METAP2: variants seen among roughly 807,000 people sequenced by gnomAD.
METAP2 encodes the protein methionyl aminopeptidase 2, also known as methionine aminopeptidase 2.
In METAP2, 25 loss-of-function variants were observed where a neutral mutation model predicts 59.4. The observed-to-expected ratio is 0.42, with a 90% CI of 0.31 to 0.59. The LOEUF (loss-of-function observed/expected upper bound fraction) is 0.59, where lower values mean the gene tolerates loss of function less well. Among genes scored for constraint, METAP2 ranks in the 20% least tolerant of loss-of-function variants. The pLI is 0.16. For synonymous variants in METAP2, 214 were observed against 194.1 expected (o/e 1.10, Z -0.85); for missense variants, 366 against 581.2 (o/e 0.63, Z 3.81).
intron 3 of METAP2, 148 bp downstream of exon 3, chr12:95,483,428 A>T: frequency 1.4e-5 from 6 of 414,450 alleles, no homozygotes; most frequent in Non-Finnish European, 2.7e-5. Flanking sequence ...GTAAGCTGAG[A>T]TTGTGCCACT....
chr12:95,513,714 G>A lies in METAP2; in HGVS notation c.1247G>A (p.Cys416Tyr). 1 of 1,614,202 alleles carries A rather than the reference G, an allele frequency of 6.2e-7. No individual in the cohort carries two copies. Among genetic ancestry groups the A allele is most frequent in the Non-Finnish European group, 8.5e-7 (1 of 1,180,024 alleles). Residue 416 changes from cysteine (C) to tyrosine (Y), a missense_variant, in exon 11 of 11, where the codon TGC becomes TAC. This residue lies in a region of METAP2 where 82 missense variants were observed against 156.2 expected (regional missense o/e 0.52). Coordinates refer to ENST00000323666, the MANE Select transcript of METAP2 (RefSeq NM_006838.4). ...INENFGTLAF[C>Y]RRWLDRLGES... ...GAAAACTTTGGAACCCTTGCCTTCT[G>A]CCGCAGATGGCTGGATCGCTTGGGA...
At chr12:95,480,793 A>G (rs2076153213) in intron 2 of METAP2, among the ~76,000 whole-genome samples, 1 of 152,198 alleles carries the variant, frequency 6.6e-6, no homozygotes, top group Admixed American at 6.5e-5. Flanking sequence ...TTTCTATGGG[A>G]TGGCTATTCA....
chr12:95,498,953 C>G (rs1395929028), intron 7 of METAP2, among the ~76,000 whole-genome samples: 1 of 151,644 alleles, frequency 6.6e-6, no homozygotes, highest in East Asian at 1.9e-4. Context: ...GAGGTTGAGG[C>G]CTCAGTGAGA....
chr12:95,511,050 A>G (rs906800503), intron 8 of METAP2, among the ~76,000 whole-genome samples: 1 of 152,082 alleles, frequency 6.6e-6, no homozygotes, highest in African/African-American at 2.4e-5. Flanking sequence ...AATATGCCAC[A>G]ATTTGTCTAT....
At position 95,476,138 on chromosome 12, in the gene METAP2, A is replaced by G; in HGVS notation, c.219A>G (p.Arg73=). The change falls in exon 2 of 11, where the codon AGA becomes AGG. Residue 73 remains arginine (R), a synonymous_variant. Coordinates refer to ENST00000323666, the MANE Select transcript of METAP2 (RefSeq NM_006838.4). ...ATGAAGTAGCAAGACAGTTGGAAAG[A>G]TCAGCATTGGAAGATAAAGAAAGAG... ...SVDEVARQLE[R]SALEDKERDE... is the part of the protein sequence containing the mutation. The G allele has an allele frequency of 6.2e-7, 1 of 1,612,146 alleles. No individual in the cohort carries two copies. The highest frequency in any genetic ancestry group is 8.5e-7 in the Non-Finnish European group (1 of 1,178,978).
intron 2 of METAP2, among the ~76,000 whole-genome samples, chr12:95,478,973 T>C (rs1229086756): frequency 6.6e-6 from 1 of 152,084 alleles, no homozygotes; most frequent in Admixed American, 6.6e-5. Context: ...CTTGGGAGGC[T>C]GGGATGGGAG....
intron 7 of METAP2, among the ~76,000 whole-genome samples, chr12:95,501,737 A>G (rs1350725548): frequency 3.3e-5 from 5 of 151,928 alleles, no homozygotes; most frequent in Non-Finnish European, 7.4e-5. Context: ...AAAAAAGTAA[A>G]TATATTAGTT....
At chr12:95,485,480 C>G (rs749339047) in intron 3 of METAP2, among the ~76,000 whole-genome samples, 2 of 151,778 alleles carry the variant, frequency 1.3e-5, no homozygotes, top group Non-Finnish European at 2.9e-5. Context: ...AATAGTTTTT[C>G]TTATTTTATT....
intron 7 of METAP2, among the ~76,000 whole-genome samples, chr12:95,502,190 A>T (rs2076321436): frequency 6.6e-6 from 1 of 151,656 alleles, no homozygotes; most frequent in East Asian, 1.9e-4. Context: ...TTTTTTGTAG[A>T]GATGGGGGTC....
chr12:95,509,847 C>CTTT (rs1210964780), intron 8 of METAP2, among the ~76,000 whole-genome samples: 10 of 131,626 alleles, frequency 7.6e-5, no homozygotes, highest in African/African-American at 1.1e-4. Context: ...CCCCCCCAAC[C>CTTT]TTTTTTTTTT....
chr12:95,498,383 T>C (rs753574363), intron 7 of METAP2, among the ~76,000 whole-genome samples: 3 of 152,216 alleles, frequency 2.0e-5, no homozygotes, highest in Non-Finnish European at 2.9e-5. Context: ...TTTCTCATAT[T>C]GTGGGTTACC....
intron 7 of METAP2, among the ~76,000 whole-genome samples, chr12:95,497,879 G>T (rs2076286527): frequency 6.6e-6 from 1 of 151,296 alleles, no homozygotes; most frequent in Non-Finnish European, 1.5e-5. Context: ...TGTAATCCCA[G>T]CACTTTGAGA....
chr12:95,476,514 A>AAAGAAAG (rs2076120080), intron 2 of METAP2, among the ~76,000 whole-genome samples: 2 of 140,960 alleles, frequency 1.4e-5, no homozygotes, highest in African/African-American at 5.5e-5. Flanking sequence ...TGTCTCAAAA[A>AAAGAAAG]AAAGAAAGAA....
At chr12:95,493,571 C>G (rs1451328363) in intron 4 of METAP2, among the ~76,000 whole-genome samples, 1 of 152,140 alleles carries the variant, frequency 6.6e-6, no homozygotes, top group African/African-American at 2.4e-5. Context: ...TTAGGAAAAC[C>G]CAGCACACGC....
intron 3 of METAP2, among the ~76,000 whole-genome samples, chr12:95,484,452 G>T (rs931004814): frequency 1.3e-5 from 2 of 150,148 alleles, no homozygotes; most frequent in Non-Finnish European, 3.0e-5. Context: ...AAGAAATAGT[G>T]TTACCTGAGA....
intron 8 of METAP2, among the ~76,000 whole-genome samples, chr12:95,505,255 C>T (rs1313251177): frequency 6.6e-6 from 1 of 152,132 alleles, no homozygotes; most frequent in Middle Eastern, 3.2e-3. Context: ...GGAACCTGAC[C>T]GTGCCTTCTA....
chr12:95,482,973 T>A (rs1002903523), intron 2 of METAP2, among the ~76,000 whole-genome samples: 1 of 152,218 alleles, frequency 6.6e-6, no homozygotes, highest in Non-Finnish European at 1.5e-5. Flanking sequence ...GGATTCCAAC[T>A]CCTTGGCTCA....
intron 8 of METAP2, among the ~76,000 whole-genome samples, chr12:95,504,826 C>T (rs1169330196): frequency 6.6e-6 from 1 of 152,308 alleles, no homozygotes; most frequent in East Asian, 1.9e-4. Context: ...GAATCACATT[C>T]AGAATTTGGA....
intron 2 of METAP2, among the ~76,000 whole-genome samples, chr12:95,479,298 A>T (rs1284589526): frequency 1.3e-5 from 2 of 152,192 alleles, no homozygotes; most frequent in East Asian, 1.9e-4. Context: ...AATTCAAAAG[A>T]CTTGGAGACT....
Sources: gnomAD v4.1 joint callset for allele counts (sites outside exome capture counted in the v4.1 genomes callset) on GRCh38, gnomAD v4.1.1 for gene constraint, gnomAD v4.1.1 regional missense constraint, MANE v1.5 for transcripts, NCBI Gene and HGNC (gene_info 2026-07-23, HGNC 2026-07-21) for gene names.